The following LPP variants were observed in gnomAD, a reference collection of about 807,000 sequenced individuals.
The protein encoded by LPP is lipoma-preferred partner.
Under a neutral mutation model 60.4 loss-of-function variants are expected in LPP, and 38 were observed. That is an observed-to-expected ratio of 0.63 (90% CI 0.49 to 0.83). The LOEUF (loss-of-function observed/expected upper bound fraction) is 0.83. Among genes scored for constraint, LPP ranks in the 40% least tolerant of loss-of-function variants. The probability of loss-of-function intolerance (pLI) is 0.00; values close to 1 mark genes in which losing one functional copy is unlikely to be tolerated. For missense variants in LPP, 902 were observed against 783.6 expected (o/e 1.15, Z -1.80); for synonymous variants, 328 against 290.8 (o/e 1.13, Z -1.30).
chr3:188,866,473 C>A, intron 10 of LPP, 95 bp downstream of exon 10: 1 of 1,042,230 alleles, frequency 9.6e-7, no homozygotes, highest in Non-Finnish European at 1.3e-6. Flanking sequence ...TCTCTCAGAA[C>A]TACAGAATTT....
intron 2 of LPP, among the ~76,000 whole-genome samples, chr3:188,241,521 A>G (rs972690595): frequency 1.3e-5 from 2 of 152,054 alleles, no homozygotes; most frequent in Admixed American, 6.6e-5. Flanking sequence ...ATTTGTTTTT[A>G]TTTTGAAGCT....
intron 1 of LPP, among the ~76,000 whole-genome samples, chr3:188,220,448 A>G (rs1715360161): frequency 6.6e-6 from 1 of 152,208 alleles, no homozygotes; most frequent in South Asian, 2.1e-4. Context: ...GGATACTGCT[A>G]CAAAGTTTCC....
intron 8 of LPP, among the ~76,000 whole-genome samples, chr3:188,753,722 T>C (rs757562316): frequency 6.6e-6 from 1 of 152,160 alleles, no homozygotes; most frequent in Admixed American, 6.5e-5. Flanking sequence ...TGTCTACCAC[T>C]CATCCTAGTG....
intron 2 of LPP, among the ~76,000 whole-genome samples, chr3:188,297,855 G>C (rs189020500): frequency 2.6e-5 from 4 of 152,278 alleles, no homozygotes; most frequent in Non-Finnish European, 5.9e-5. Context: ...GTACTTAGTT[G>C]AGCTCACTAC....
At position 188,695,851 on chromosome 3, in the gene LPP, T is replaced by C. The variant is rs553558386; in HGVS notation, c.1114-12416T>C. On this transcript the variant is annotated intron_variant, in intron 7 of 11. Coordinates refer to ENST00000617246, the MANE Select transcript of LPP (RefSeq NM_001375462.1). ...TGACTGTCTTGATTAACCTTTACGA[T>C]AGACCATGTAAGTTTCATATTTCTA... 2.1e-4 allele frequency among the ~76,000 whole-genome samples: 32 copies of C among 152,334 alleles called. No homozygotes were observed. In the East Asian group the frequency reaches 6.0e-3, roughly 28 times the overall value.
chr3:188,273,889 C>T (rs150497371), intron 2 of LPP, among the ~76,000 whole-genome samples: 1 of 152,272 alleles, frequency 6.6e-6, no homozygotes, highest in East Asian at 1.9e-4. Flanking sequence ...GCCACCATGT[C>T]TGGCCGTCTA....
At chr3:188,816,310 T>C (rs1752484662) in intron 9 of LPP, among the ~76,000 whole-genome samples, 1 of 150,348 alleles carries the variant, frequency 6.7e-6, no homozygotes. Context: ...CACACCATTC[T>C]CATGCCTCAG....
intron 9 of LPP, among the ~76,000 whole-genome samples, chr3:188,793,835 A>T (rs1480722318): frequency 6.6e-6 from 1 of 152,028 alleles, no homozygotes; most frequent in African/African-American, 2.4e-5. Flanking sequence ...CATGTTTGTA[A>T]AGGAGTCTGG....
intron 5 of LPP, among the ~76,000 whole-genome samples, chr3:188,489,629 T>G (rs1466208433): frequency 1.3e-5 from 2 of 152,218 alleles, no homozygotes; most frequent in Non-Finnish European, 2.9e-5. Flanking sequence ...GAACTGTTGT[T>G]GGATGCCAAG....
intron 6 of LPP, among the ~76,000 whole-genome samples, chr3:188,548,303 T>A (rs1345409771): frequency 6.6e-6 from 1 of 152,176 alleles, no homozygotes; most frequent in East Asian, 1.9e-4. Context: ...GGACTTCTTG[T>A]CTCCTCACCG....
chr3:188,294,056 C>CAAA (rs61312510), intron 2 of LPP, among the ~76,000 whole-genome samples: 13 of 39,418 alleles, frequency 3.3e-4, no homozygotes, highest in Admixed American at 7.7e-4. Flanking sequence ...CAAACTCTGT[C>CAAA]AAAAAAAAAA....
intron 6 of LPP, among the ~76,000 whole-genome samples, chr3:188,607,497 A>G (rs1323316531): frequency 4.6e-5 from 7 of 150,594 alleles, no homozygotes; most frequent in African/African-American, 1.7e-4. Flanking sequence ...ATTTTAAAGC[A>G]TATTTATTTA....
intron 1 of LPP, among the ~76,000 whole-genome samples, chr3:188,170,087 T>C (rs963599514): frequency 6.6e-6 from 1 of 152,174 alleles, no homozygotes; most frequent in Non-Finnish European, 1.5e-5. Flanking sequence ...CCCTAACACA[T>C]TGATATAATG....
intron 2 of LPP, among the ~76,000 whole-genome samples, chr3:188,300,056 A>G (rs1476187710): frequency 2.0e-5 from 3 of 152,228 alleles, no homozygotes; most frequent in African/African-American, 7.2e-5. Flanking sequence ...TGAAAGTTAC[A>G]TAGACTCTTT....
chr3:188,737,025 G>A (rs917046046), intron 8 of LPP, among the ~76,000 whole-genome samples: 9 of 151,860 alleles, frequency 5.9e-5, no homozygotes, highest in Non-Finnish European at 1.3e-4. Context: ...ATAAAAAAAT[G>A]GGTAGAATTT....
chr3:188,753,702 A>G (rs1236231607), intron 8 of LPP, among the ~76,000 whole-genome samples: 3 of 151,602 alleles, frequency 2.0e-5, no homozygotes, highest in Admixed American at 1.3e-4. Context: ...CTGTCTCCGA[A>G]ACTGTTTTGT....
intron 6 of LPP, among the ~76,000 whole-genome samples, chr3:188,574,432 A>T (rs1283503822): frequency 6.6e-6 from 1 of 152,196 alleles, no homozygotes; most frequent in East Asian, 1.9e-4. Context: ...ATTAATTTAA[A>T]TCACATACAG....
At chr3:188,688,283 G>A (rs1229272217) in intron 7 of LPP, among the ~76,000 whole-genome samples, 4 of 152,188 alleles carry the variant, frequency 2.6e-5, no homozygotes, top group Non-Finnish European at 5.9e-5. Context: ...TTTTCCCTAT[G>A]CAATGTCATC....
At chr3:188,446,059 A>G (rs1391104648) in intron 4 of LPP, among the ~76,000 whole-genome samples, 1 of 152,232 alleles carries the variant, frequency 6.6e-6, no homozygotes, top group Non-Finnish European at 1.5e-5. Context: ...GCCTTCTCAT[A>G]GTCTGCTTGA....
Sources: allele counts gnomAD v4.1 joint callset (sites outside exome capture counted in the v4.1 genomes callset), GRCh38; gene constraint gnomAD v4.1.1; transcripts MANE v1.5; gene names NCBI Gene and HGNC (gene_info 2026-07-23, HGNC 2026-07-21).